The following FRMD6 variants were observed in gnomAD, a reference collection of about 807,000 sequenced individuals.
FRMD6 encodes FERM domain-containing protein 6.
In FRMD6, 37 loss-of-function variants were observed where a neutral mutation model predicts 73.2. The observed-to-expected ratio is 0.51, with a 90% CI of 0.39 to 0.66. The LOEUF is 0.66. FRMD6 is among the 30% of genes least tolerant of loss of function. FRMD6 has a pLI of 0.00. For missense variants in FRMD6, 714 were observed against 780.5 expected (o/e 0.91, Z 1.02); for synonymous variants, 273 against 282.2 (o/e 0.97, Z 0.33).
intron 2 of FRMD6, among the ~76,000 whole-genome samples, chr14:51,634,843 A>T (rs1358441866): frequency 6.6e-6 from 1 of 152,186 alleles, no homozygotes; most frequent in Non-Finnish European, 1.5e-5. Context: ...TTTTTCATCT[A>T]TAAAATGAAA....
chr14:51,606,185 C>A (rs973365735), intron 2 of FRMD6, among the ~76,000 whole-genome samples: 6 of 152,102 alleles, frequency 3.9e-5, no homozygotes, highest in African/African-American at 1.4e-4. Flanking sequence ...ATCTCCTTGG[C>A]CTTCTGGCCT....
chr14:51,450,656 T>C, the FRMD6 span, among the ~76,000 whole-genome samples: 2 of 152,148 alleles, frequency 1.3e-5, no homozygotes, highest in Non-Finnish European at 2.9e-5. Context: ...GAATCTAGAA[T>C]TTGGGATTTT....
chr14:51,419,040 C>G, the FRMD6 span, among the ~76,000 whole-genome samples: 75 of 152,300 alleles, frequency 4.9e-4, 1 homozygote, highest in East Asian at 0.014. Context: ...TGGAAAAGCA[C>G]AGTATTTGGG....
chr14:51,722,357 G>T (rs1160121940), intron 12 of FRMD6, among the ~76,000 whole-genome samples: 2 of 152,230 alleles, frequency 1.3e-5, no homozygotes, highest in Non-Finnish European at 2.9e-5. Context: ...ATGTTATGCT[G>T]TGTCGAGAAT....
the FRMD6 span, among the ~76,000 whole-genome samples, chr14:51,478,045 T>C: frequency 6.6e-6 from 1 of 152,242 alleles, no homozygotes; most frequent in Non-Finnish European, 1.5e-5. Context: ...GACTGTTTTT[T>C]TCTATAGCAT....
At chr14:51,625,659 G>C (rs1891088297) in intron 2 of FRMD6, among the ~76,000 whole-genome samples, 1 of 152,046 alleles carries the variant, frequency 6.6e-6, no homozygotes, top group Non-Finnish European at 1.5e-5. Context: ...TTCTAACCAG[G>C]TCCTCATTGA....
chr14:51,469,617 A>G, the FRMD6 span, among the ~76,000 whole-genome samples: 211 of 99,468 alleles, frequency 2.1e-3, no homozygotes, highest in African/African-American at 8.0e-3. Flanking sequence ...CATTTCAAAA[A>G]GAAAAAAAAA....
chr14:51,634,420 C>T (rs117810919), intron 2 of FRMD6, among the ~76,000 whole-genome samples: 4,912 of 152,302 alleles, frequency 0.032, 109 homozygotes, highest in Middle Eastern at 0.061. Flanking sequence ...TGCTTATCCT[C>T]TCTCCGAATT....
At chr14:51,491,818 G>A (rs756782570) in intron 1 of FRMD6, among the ~76,000 whole-genome samples, 5 of 152,110 alleles carry the variant, frequency 3.3e-5, no homozygotes, top group African/African-American at 4.8e-5. Context: ...TCTGTGAGGC[G>A]GACACTTAGG....
At chr14:51,592,464 G>T (rs1889454198) in intron 2 of FRMD6, among the ~76,000 whole-genome samples, 1 of 152,182 alleles carries the variant, frequency 6.6e-6, no homozygotes, top group Non-Finnish European at 1.5e-5. Context: ...AGTAGTAGGT[G>T]CTCAATAAAT....
chr14:51,530,934 A>G (rs1460123530), intron 1 of FRMD6, among the ~76,000 whole-genome samples: 1 of 152,170 alleles, frequency 6.6e-6, no homozygotes, highest in Non-Finnish European at 1.5e-5. Context: ...AATGAACACA[A>G]ATTTATTGGC....
At position 51,720,392 on chromosome 14, in the gene FRMD6, T is replaced by TA. The variant is rs1436707358; in HGVS notation, c.1360+4dup. On this transcript the variant is annotated splice_region_variant and intron_variant, in intron 11 of 13. Transcript: ENST00000344768. ...TGGAAGAGGACTTACAGGACGATGG[T>TA]AACAGTACTGTCCCCTCACTGGCTC... 1 of 1,611,694 alleles carries TA rather than the reference T, an allele frequency of 6.2e-7. No homozygotes were observed. The highest frequency in any genetic ancestry group is 8.5e-7 in the Non-Finnish European group (1 of 1,178,612).
the FRMD6 span, among the ~76,000 whole-genome samples, chr14:51,417,584 A>AT: frequency 6.6e-6 from 1 of 151,904 alleles, no homozygotes; most frequent in African/African-American, 2.4e-5. Context: ...TGCCCTTAAC[A>AT]TTTTTTCCTT....
At chr14:51,527,842 C>T (rs918542313) in intron 1 of FRMD6, among the ~76,000 whole-genome samples, 1 of 152,168 alleles carries the variant, frequency 6.6e-6, no homozygotes, top group Non-Finnish European at 1.5e-5. Context: ...TATGATCCCT[C>T]TGTTCCAGCA....
intron 1 of FRMD6, among the ~76,000 whole-genome samples, chr14:51,668,595 C>T (rs998988670): frequency 4.6e-5 from 7 of 151,944 alleles, no homozygotes; most frequent in Non-Finnish European, 8.8e-5. Context: ...CATGAGCCAC[C>T]GTGCCCAGCC....
chr14:51,581,522 A>G (rs1488751703), intron 2 of FRMD6, among the ~76,000 whole-genome samples: 1 of 152,232 alleles, frequency 6.6e-6, no homozygotes, highest in Non-Finnish European at 1.5e-5. Context: ...GCATATCCTT[A>G]TCAGTCAAGT....
intron 2 of FRMD6, chr14:51,584,336 C>T (rs557646578): frequency 6.6e-6 from 1 of 152,274 alleles, no homozygotes; most frequent in South Asian, 2.1e-4. Flanking sequence ...ATTGCAAAAT[C>T]CAAGTGAAGT....
chr14:51,494,211 C>T, intron 1 of FRMD6, among the ~76,000 whole-genome samples: 1 of 152,172 alleles, frequency 6.6e-6, no homozygotes, highest in East Asian at 1.9e-4. Context: ...TCAGCATCAA[C>T]TCAAAAGTCT....
intron 9 of FRMD6, chr14:51,714,359 A>G (rs888663354): frequency 6.6e-6 from 1 of 152,092 alleles, no homozygotes; most frequent in Non-Finnish European, 1.5e-5. Flanking sequence ...TGGGCTATAC[A>G]AGCCCATACT....
Sources: allele counts gnomAD v4.1 joint callset (sites outside exome capture counted in the v4.1 genomes callset), GRCh38; gene constraint gnomAD v4.1.1; transcripts MANE v1.5; gene names NCBI Gene and HGNC (gene_info 2026-07-23, HGNC 2026-07-21).